Variants in DAB1 observed in about 807,000 individuals in gnomAD.
DAB1 encodes the protein DAB adaptor protein 1.
DAB1 carries 15 observed loss-of-function variants against 64.6 expected under a neutral mutation model. That is an observed-to-expected ratio of 0.23 (90% confidence interval 0.16 to 0.36). The LOEUF (loss-of-function observed/expected upper bound fraction) is 0.36, where lower values mean the gene tolerates loss of function less well. DAB1 is among the 10% of genes least tolerant of loss of function. The pLI, the probability that DAB1 is intolerant of heterozygous loss-of-function variation, is 1.00. For missense variants in DAB1, 596 were observed against 706.7 expected, an observed-to-expected ratio of 0.84 and a Z score of 1.78; for synonymous variants, 235 against 251.9, an observed-to-expected ratio of 0.93 and a Z score of 0.64.
intron 1 of DAB1, among the ~76,000 whole-genome samples, chr1:57,306,639 T>G (rs191299293): frequency 6.6e-6 from 1 of 152,094 alleles, no homozygotes; most frequent in East Asian, 1.9e-4. Context: ...GGAAAACAGT[T>G]TAGATTCATT....
chr1:58,546,427 G>C (rs932965420), intron 1 of DAB1, among the ~76,000 whole-genome samples: 1 of 152,150 alleles, frequency 6.6e-6, no homozygotes, highest in Non-Finnish European at 1.5e-5. Flanking sequence ...GGGGTCACCG[G>C]CGTGCCCCGG....
intron 5 of DAB1, among the ~76,000 whole-genome samples, chr1:58,075,595 A>G (rs189055743): frequency 1.3e-5 from 2 of 152,308 alleles, no homozygotes; most frequent in African/African-American, 4.8e-5. Flanking sequence ...TTGTGTATGG[A>G]ATGTTTGTTA....
chr1:57,478,185 C>T (rs1221051749), intron 7 of DAB1, among the ~76,000 whole-genome samples: 1 of 152,072 alleles, frequency 6.6e-6, no homozygotes, highest in Non-Finnish European at 1.5e-5. Flanking sequence ...CAGGGCTGCA[C>T]TAGTAAATGC....
chr1:57,296,599 G>A (rs912802159), intron 1 of DAB1, among the ~76,000 whole-genome samples: 4 of 152,134 alleles, frequency 2.6e-5, no homozygotes, highest in Admixed American at 2.6e-4. Flanking sequence ...AAGCCATCAT[G>A]AAGAGTTCTC....
intron 5 of DAB1, among the ~76,000 whole-genome samples, chr1:58,118,580 A>G (rs1178698796): frequency 3.3e-5 from 3 of 91,022 alleles, no homozygotes; most frequent in African/African-American, 1.7e-4. Flanking sequence ...ATATATATAC[A>G]TATATATATA....
chr1:57,060,694 G>C (rs12038933), intron 9 of DAB1, among the ~76,000 whole-genome samples: 27,497 of 152,052 alleles, frequency 0.18, 3,124 homozygotes, highest in East Asian at 0.47. Flanking sequence ...AATGCTGGGG[G>C]AAGGCTGCAG....
At chr1:58,130,425 T>G (rs1378184894) in intron 5 of DAB1, among the ~76,000 whole-genome samples, 1 of 151,946 alleles carries the variant, frequency 6.6e-6, no homozygotes, top group Non-Finnish European at 1.5e-5. Flanking sequence ...TGCCAGTCTG[T>G]GCCTTTTAAT....
At chr1:57,634,865 T>C (rs1646032306) in intron 7 of DAB1, among the ~76,000 whole-genome samples, 1 of 152,184 alleles carries the variant, frequency 6.6e-6, no homozygotes, top group South Asian at 2.1e-4. Flanking sequence ...TATAGAGGTA[T>C]GGCAATGGGG....
At chr1:57,760,522 C>T (rs1379335295) in intron 6 of DAB1, among the ~76,000 whole-genome samples, 1 of 151,650 alleles carries the variant, frequency 6.6e-6, no homozygotes, top group African/African-American at 2.4e-5. Flanking sequence ...CCCTTCCCGT[C>T]TCTTCCCTTC....
chr1:57,243,371 A>T (rs1668632952), intron 2 of DAB1, among the ~76,000 whole-genome samples: 1 of 152,234 alleles, frequency 6.6e-6, no homozygotes, highest in Non-Finnish European at 1.5e-5. Flanking sequence ...AGACATGCAC[A>T]GACCTATGGG....
intron 1 of DAB1, among the ~76,000 whole-genome samples, chr1:58,546,021 A>ATC (rs1646697358): frequency 6.6e-6 from 1 of 152,216 alleles, no homozygotes; most frequent in Admixed American, 6.5e-5. Context: ...AGGGATTTTC[A>ATC]TCTCCCTGGA....
intron 5 of DAB1, among the ~76,000 whole-genome samples, chr1:58,141,466 G>T (rs1448545357): frequency 6.6e-6 from 1 of 152,086 alleles, no homozygotes; most frequent in East Asian, 1.9e-4. Context: ...GATTATAGAG[G>T]CTACAATTTA....
At chr1:57,795,001 C>T (rs1020212632) in intron 6 of DAB1, among the ~76,000 whole-genome samples, 3 of 152,184 alleles carry the variant, frequency 2.0e-5, no homozygotes, top group African/African-American at 7.2e-5. Context: ...CAGGCTATAA[C>T]CATCCATCCA....
chr1:57,485,652 A>G (rs1413861428), intron 7 of DAB1, among the ~76,000 whole-genome samples: 1 of 152,182 alleles, frequency 6.6e-6, no homozygotes, highest in Non-Finnish European at 1.5e-5. Context: ...AACATGTGTG[A>G]CTTTAAGCAC....
intron 5 of DAB1, among the ~76,000 whole-genome samples, chr1:57,964,722 G>T (rs1276625791): frequency 6.6e-6 from 1 of 152,092 alleles, no homozygotes; most frequent in Non-Finnish European, 1.5e-5. Context: ...TCCGATGGCA[G>T]AATTTACGTC....
intron 1 of DAB1, among the ~76,000 whole-genome samples, chr1:57,834,663 G>C (rs751854515): frequency 6.6e-6 from 1 of 150,770 alleles, no homozygotes; most frequent in African/African-American, 2.4e-5. Context: ...GCACATATAC[G>C]TATGTGTACA....
At chr1:58,487,888 T>A (rs1418157507) in intron 3 of DAB1, among the ~76,000 whole-genome samples, 1 of 151,910 alleles carries the variant, frequency 6.6e-6, no homozygotes, top group African/African-American at 2.4e-5. Flanking sequence ...ATTTCAGTTT[T>A]CTTGCATGTT....
intron 1 of DAB1, among the ~76,000 whole-genome samples, chr1:57,379,799 A>G (rs1484924776): frequency 6.6e-6 from 1 of 152,200 alleles, no homozygotes; most frequent in African/African-American, 2.4e-5. Flanking sequence ...TTTTGCAAAG[A>G]TGTAGTAGAA....
chr1:57,053,821 G>A (rs1649466105), intron 9 of DAB1, among the ~76,000 whole-genome samples: 1 of 150,952 alleles, frequency 6.6e-6, no homozygotes, highest in Admixed American at 6.6e-5. Flanking sequence ...CTGAGTAGCT[G>A]GGACTACAGA....
Sources: gnomAD v4.1 joint callset for allele counts (sites outside exome capture counted in the v4.1 genomes callset) on GRCh38, gnomAD v4.1.1 for gene constraint, MANE v1.5 for transcripts, NCBI Gene and HGNC (gene_info 2026-07-23, HGNC 2026-07-21) for gene names.